CMSS1: variants seen among roughly 807,000 people sequenced by gnomAD.
CMSS1 encodes protein CMSS1.
In CMSS1, 33 loss-of-function variants were observed where a neutral mutation model predicts 43.5. That is an observed-to-expected ratio of 0.76 (90% CI 0.57 to 1.01). The LOEUF (loss-of-function observed/expected upper bound fraction) is 1.01, where lower values mean the gene tolerates loss of function less well. CMSS1 is among the 50% of genes least tolerant of loss of function. CMSS1 has a pLI of 0.00. For missense variants in CMSS1, 313 were observed against 326.4 expected (o/e 0.96, Z 0.32); for synonymous variants, 115 against 117.2 (o/e 0.98, Z 0.12).
intron 1 of CMSS1, among the ~76,000 whole-genome samples, chr3:100,105,744 A>G (rs1176758766): frequency 3.3e-5 from 5 of 152,194 alleles, no homozygotes; most frequent in Non-Finnish European, 7.4e-5. Context: ...TCAGAAGATC[A>G]GTTTCCTTTT....
chr3:100,010,647 C>G (rs1347888948), intron 1 of CMSS1, among the ~76,000 whole-genome samples: 1 of 150,960 alleles, frequency 6.6e-6, no homozygotes, highest in Non-Finnish European at 1.5e-5. Context: ...TGGAGTGTCC[C>G]TCTGTCACCC....
At chr3:100,022,154 G>C (rs1165896512) in intron 1 of CMSS1, among the ~76,000 whole-genome samples, 1 of 152,154 alleles carries the variant, frequency 6.6e-6, no homozygotes, top group Non-Finnish European at 1.5e-5. Context: ...AATGATATTA[G>C]AATAATGTTG....
intron 1 of CMSS1, among the ~76,000 whole-genome samples, chr3:99,966,578 C>A (rs1172773107): frequency 6.6e-6 from 1 of 152,166 alleles, no homozygotes; most frequent in African/African-American, 2.4e-5. Flanking sequence ...ACAAGTAGGA[C>A]AACTATTATT....
chr3:100,098,426 C>A (rs2066248467), intron 1 of CMSS1, among the ~76,000 whole-genome samples: 2 of 152,150 alleles, frequency 1.3e-5, no homozygotes, highest in Admixed American at 1.3e-4. Flanking sequence ...ACTAGAATGG[C>A]TACCTCACAG....
intron 1 of CMSS1, among the ~76,000 whole-genome samples, chr3:99,861,779 G>A (rs1198097602): frequency 6.6e-6 from 1 of 152,156 alleles, no homozygotes; most frequent in Non-Finnish European, 1.5e-5. Context: ...AAAACTATGA[G>A]AGGCAGGGCA....
chr3:99,963,681 G>A lies in CMSS1; in HGVS notation c.64+145638G>A, dbSNP rs555114827. ...GGCTGGAGTGCAGTGGCGTGATCTC[G>A]GTTCACTGCAGCCTCGCCTCCAGGG... On this transcript the variant is annotated intron_variant, in intron 1 of 9. Transcript: ENST00000421999. 4.6e-5 allele frequency among the ~76,000 whole-genome samples: 7 copies of A among 151,802 alleles called. No homozygotes were observed. In the East Asian group the frequency reaches 1.2e-3, roughly 25 times the overall value.
chr3:100,135,205 A>G (rs562605025), intron 1 of CMSS1, among the ~76,000 whole-genome samples: 7 of 152,312 alleles, frequency 4.6e-5, no homozygotes, highest in Admixed American at 4.6e-4. Flanking sequence ...CCAAAATGCC[A>G]CCACCAACAT....
In CMSS1 at chr3:99,817,893, G is replaced by A. The variant is rs1942352184; in HGVS notation, c.-87G>A. 1 of 1,425,814 alleles carries A rather than the reference G, an allele frequency of 7.0e-7. No homozygotes were observed. The highest frequency in any genetic ancestry group is 9.8e-7 in the Non-Finnish European group (1 of 1,020,408). The allele number at this position is 1,425,814 out of a possible 1,614,324, so 88.3% of individuals were successfully genotyped here. On this transcript the variant is annotated 5_prime_UTR_variant, in exon 1 of 10. Transcript: ENST00000421999. ...TAGCGGGAGCTCCGCGTGTAGCTAC[G>A]CCGGCCGCCTGGCTTTGAGACAACG...
chr3:99,861,788 C>A (rs1944271829), intron 1 of CMSS1, among the ~76,000 whole-genome samples: 1 of 152,108 alleles, frequency 6.6e-6, no homozygotes, highest in African/African-American at 2.4e-5. Context: ...AGAGGCAGGG[C>A]AGGGCAGTGC....
intron 1 of CMSS1, among the ~76,000 whole-genome samples, chr3:99,827,081 AT>A (rs1576490869): frequency 6.6e-6 from 1 of 152,228 alleles, no homozygotes; most frequent in Non-Finnish European, 1.5e-5. Flanking sequence ...TGAACTCCAA[AT>A]AGTATTCTCA....
chr3:100,006,723 AG>A (rs2107181570), intron 1 of CMSS1, among the ~76,000 whole-genome samples: 1 of 151,920 alleles, frequency 6.6e-6, no homozygotes, highest in East Asian at 1.9e-4. Flanking sequence ...AGAGTTTGCT[AG>A]TTAAGTTAGG....
intron 1 of CMSS1, chr3:99,876,107 G>A: frequency 1.0e-6 from 1 of 986,588 alleles, no homozygotes; most frequent in African/African-American, 1.7e-5. Flanking sequence ...CGGGGGCCGG[G>A]CCGGGGCCGC....
chr3:100,039,495 A>T (rs562691825), intron 1 of CMSS1, among the ~76,000 whole-genome samples: 1 of 152,308 alleles, frequency 6.6e-6, no homozygotes, highest in East Asian at 1.9e-4. Context: ...AGTAAAATTT[A>T]TTTCAAATTA....
chr3:100,002,248 G>A (rs1318402025), intron 1 of CMSS1, among the ~76,000 whole-genome samples: 1 of 152,150 alleles, frequency 6.6e-6, no homozygotes, highest in Non-Finnish European at 1.5e-5. Context: ...TTAGAGTTAG[G>A]TTAGAGCATC....
At chr3:99,938,933 T>C (rs1178503341) in intron 1 of CMSS1, among the ~76,000 whole-genome samples, 1 of 152,186 alleles carries the variant, frequency 6.6e-6, no homozygotes, top group African/African-American at 2.4e-5. Flanking sequence ...AAAAAGACAA[T>C]TGAAAACAAG....
At chr3:99,844,017 T>C (rs1943253146) in intron 1 of CMSS1, among the ~76,000 whole-genome samples, 1 of 148,902 alleles carries the variant, frequency 6.7e-6, no homozygotes, top group Non-Finnish European at 1.5e-5. Context: ...GGAAAAATTG[T>C]CTTCCATGAA....
At chr3:100,107,221 A>G (rs1049661600) in intron 1 of CMSS1, among the ~76,000 whole-genome samples, 1 of 152,188 alleles carries the variant, frequency 6.6e-6, no homozygotes, top group African/African-American at 2.4e-5. Flanking sequence ...CCTTTTAAAG[A>G]TGAACTGTCC....
chr3:100,156,640 G>A (rs1312042223), intron 2 of CMSS1, among the ~76,000 whole-genome samples: 2 of 151,394 alleles, frequency 1.3e-5, no homozygotes, highest in Admixed American at 1.3e-4. Context: ...TTTTGAGACG[G>A]AGTCTCGCTC....
rs777506667 is a variant in CMSS1 at position 99,898,653 on chromosome 3, C to T, written c.64+80610C>T. 41 of 182,532 alleles carry T rather than the reference C, an allele frequency of 2.2e-4. No homozygotes were observed. The Middle Eastern group carries it at 7.4e-3, about 33-fold the overall frequency. 11.3% of individuals were successfully genotyped at this position (182,532 alleles called of 1,614,324 possible). A position where few individuals can be genotyped will look rare whatever the true frequency, so the allele number is the denominator to read the frequency against. ...TGATGGCGGGTGCCTGTAATCCCAG[C>T]TACTTGGAATGCTGAGGCAGGAGAA... On this transcript the variant is annotated intron_variant, in intron 1 of 9. Transcript: ENST00000421999.
Sources: gnomAD v4.1 joint callset for allele counts (sites outside exome capture counted in the v4.1 genomes callset) on GRCh38, gnomAD v4.1.1 for gene constraint, MANE v1.5 for transcripts, NCBI Gene and HGNC (gene_info 2026-07-23, HGNC 2026-07-21) for gene names.